Variants in CADM2 observed in about 807,000 individuals in gnomAD.
CADM2 encodes the protein immunoglobulin superfamily member 4D.
A neutral mutation model predicts 49.8 loss-of-function variants in CADM2; 12 were observed. That is an observed-to-expected ratio of 0.24 (90% CI 0.15 to 0.39). The LOEUF (loss-of-function observed/expected upper bound fraction) is 0.39, where lower values mean the gene tolerates loss of function less well. Among genes scored for constraint, CADM2 ranks in the 10% least tolerant of loss-of-function variants. CADM2 has a pLI of 1.00. For synonymous variants in CADM2, 214 were observed against 175.4 expected, an observed-to-expected ratio of 1.22 and a Z score of -1.74; for missense variants, 378 against 492.3, an observed-to-expected ratio of 0.77 and a Z score of 2.20.
intron 7 of CADM2, among the ~76,000 whole-genome samples, chr3:85,948,906 A>G (rs1723060193): frequency 6.6e-6 from 1 of 151,500 alleles, no homozygotes; most frequent in African/African-American, 2.4e-5. Flanking sequence ...AAAGGAAAGT[A>G]AAAGATAAGA....
chr3:85,306,362 A>C (rs2044212497), intron 1 of CADM2, among the ~76,000 whole-genome samples: 1 of 151,740 alleles, frequency 6.6e-6, no homozygotes, highest in Non-Finnish European at 1.5e-5. Context: ...TCAAAAAACA[A>C]ATTATTGACT....
At chr3:85,897,476 A>G (rs187440251) in intron 5 of CADM2, among the ~76,000 whole-genome samples, 1 of 149,408 alleles carries the variant, frequency 6.7e-6, no homozygotes. Flanking sequence ...TCACCTTGTT[A>G]GCCAGGATGG....
At chr3:85,943,136 T>G (rs923326181) in intron 7 of CADM2, among the ~76,000 whole-genome samples, 4 of 151,546 alleles carry the variant, frequency 2.6e-5, no homozygotes, top group Non-Finnish European at 5.9e-5. Flanking sequence ...ATGTCTTCTT[T>G]TGAGAAGTGT....
At chr3:85,311,445 G>A (rs1032405058) in intron 1 of CADM2, among the ~76,000 whole-genome samples, 2 of 150,902 alleles carry the variant, frequency 1.3e-5, no homozygotes, top group African/African-American at 4.9e-5. Context: ...GCGCGATCTC[G>A]GCTCACTGCA....
intron 3 of CADM2, among the ~76,000 whole-genome samples, chr3:85,806,888 C>A (rs2072467007): frequency 6.6e-6 from 1 of 152,094 alleles, no homozygotes; most frequent in Admixed American, 6.6e-5. Context: ...AAGACGAAGG[C>A]AGCAAATTCA....
intron 2 of CADM2, among the ~76,000 whole-genome samples, chr3:85,745,194 A>T (rs1033741090): frequency 6.6e-6 from 1 of 152,132 alleles, no homozygotes; most frequent in East Asian, 1.9e-4. Context: ...TTATTACTGG[A>T]TTGCCATAAA....
intron 1 of CADM2, among the ~76,000 whole-genome samples, chr3:85,106,302 T>A (rs953221111): frequency 6.6e-6 from 1 of 152,046 alleles, no homozygotes; most frequent in African/African-American, 2.4e-5. Flanking sequence ...AGATGGAGAT[T>A]TTTTCCCTTA....
chr3:85,813,350 T>A (rs1286269491), intron 3 of CADM2, among the ~76,000 whole-genome samples: 1 of 152,246 alleles, frequency 6.6e-6, no homozygotes, highest in Non-Finnish European at 1.5e-5. Flanking sequence ...TGTCTTCTTT[T>A]GAGAAGTGTC....
At chr3:85,935,406 G>A (rs1362234012) in intron 6 of CADM2, among the ~76,000 whole-genome samples, 2 of 151,992 alleles carry the variant, frequency 1.3e-5, no homozygotes, top group African/African-American at 4.8e-5. Flanking sequence ...GCACATAAAT[G>A]CATTCAGCCC....
chr3:85,227,452 C>CT (rs143104896), intron 1 of CADM2, among the ~76,000 whole-genome samples: 1,554 of 120,798 alleles, frequency 0.013, 21 homozygotes, highest in East Asian at 0.048. Context: ...GCAACCCCTG[C>CT]TTTTTTTTTT....
At chr3:85,089,682 A>G (rs550181676) in intron 1 of CADM2, among the ~76,000 whole-genome samples, 2 of 152,134 alleles carry the variant, frequency 1.3e-5, no homozygotes, top group African/African-American at 2.4e-5. Flanking sequence ...TGTCTTAATT[A>G]GAGTACGTCT....
At chr3:85,928,398 C>T (rs961442740) in intron 6 of CADM2, among the ~76,000 whole-genome samples, 1 of 152,076 alleles carries the variant, frequency 6.6e-6, no homozygotes, top group South Asian at 2.1e-4. Context: ...ACCTCATGAT[C>T]CGTCCACCTC....
chr3:84,982,733 A>ATATATATATATG (rs1280664881), intron 1 of CADM2, among the ~76,000 whole-genome samples: 1 of 116,650 alleles, frequency 8.6e-6, no homozygotes, highest in African/African-American at 3.2e-5. Context: ...ATATATATAT[A>ATATATATATATG]TACATTTTTT....
chr3:85,077,960 T>A (rs899209602), intron 1 of CADM2, among the ~76,000 whole-genome samples: 9 of 152,084 alleles, frequency 5.9e-5, no homozygotes, highest in African/African-American at 1.9e-4. Flanking sequence ...GCACACAAAC[T>A]CTGCCAAGCA....
At chr3:85,862,636 G>A (rs2075579538) in intron 3 of CADM2, among the ~76,000 whole-genome samples, 1 of 151,972 alleles carries the variant, frequency 6.6e-6, no homozygotes, top group Non-Finnish European at 1.5e-5. Context: ...ACATATAAAT[G>A]ATACCAAATT....
At chr3:84,969,604 G>T (rs941630824) in intron 1 of CADM2, among the ~76,000 whole-genome samples, 7 of 151,236 alleles carry the variant, frequency 4.6e-5, no homozygotes, top group Non-Finnish European at 7.4e-5. Context: ...TAATATTTAA[G>T]TATTTACATT....
At chr3:85,915,823 G>C (rs1361478669) in intron 6 of CADM2, among the ~76,000 whole-genome samples, 1 of 152,092 alleles carries the variant, frequency 6.6e-6, no homozygotes, top group African/African-American at 2.4e-5. Context: ...TAGCATTTCA[G>C]ATCCACAGAG....
At chr3:85,016,932 A>T (rs565291561) in intron 1 of CADM2, among the ~76,000 whole-genome samples, 2 of 152,348 alleles carry the variant, frequency 1.3e-5, no homozygotes, top group East Asian at 1.9e-4. Context: ...AAAAAGTGAT[A>T]TAAGAAGGCA....
intron 2 of CADM2, among the ~76,000 whole-genome samples, chr3:85,743,575 G>A (rs1022330928): frequency 6.6e-6 from 1 of 152,080 alleles, no homozygotes; most frequent in Non-Finnish European, 1.5e-5. Flanking sequence ...CTCCTAACCA[G>A]CCTGGGGCTA....
Sources: gnomAD v4.1 joint callset for allele counts (sites outside exome capture counted in the v4.1 genomes callset) on GRCh38, gnomAD v4.1.1 for gene constraint, MANE v1.5 for transcripts, NCBI Gene and HGNC (gene_info 2026-07-23, HGNC 2026-07-21) for gene names.